The following ARFGEF2 variants were observed in gnomAD, a reference collection of about 807,000 sequenced individuals.
ARFGEF2 encodes the protein ARF guanine nucleotide exchange factor 2.
Under a neutral mutation model 219.9 loss-of-function variants are expected in ARFGEF2, and 74 were observed. That is an observed-to-expected ratio of 0.34 (90% CI 0.28 to 0.41). ARFGEF2 has a LOEUF of 0.41. Among genes scored for constraint, ARFGEF2 ranks in the 10% least tolerant of loss-of-function variants. The pLI is 1.00. For missense variants in ARFGEF2, 1,743 were observed against 2,218.3 expected (o/e 0.79, Z 4.30); for synonymous variants, 733 against 799.2 (o/e 0.92, Z 1.40).
At chr20:48,995,624 A>G (rs922099162) in intron 22 of ARFGEF2, among the ~76,000 whole-genome samples, 159 bp from the exon 23 acceptor site, 1 of 152,234 alleles carries the variant, frequency 6.6e-6, no homozygotes, top group Admixed American at 6.5e-5. Context: ...CCAAAACAAA[A>G]CTTTAATTTT....
intron 6 of ARFGEF2, among the ~76,000 whole-genome samples, chr20:48,958,829 A>G (rs780532393): frequency 1.3e-5 from 2 of 152,088 alleles, no homozygotes; most frequent in African/African-American, 2.4e-5. Flanking sequence ...CTTACTGTGT[A>G]GTAACAACAG....
chr20:49,014,101 C>G, intron 30 of ARFGEF2, 141 bp downstream of exon 30: 1 of 1,048,104 alleles, frequency 9.5e-7, no homozygotes, highest in Non-Finnish European at 1.4e-6. Flanking sequence ...ATGGAAACAC[C>G]TTTCTGATAC....
rs542824553 is a variant in ARFGEF2, at chr20:48,926,022, A to G, written c.121+4012A>G. 6.8e-4 allele frequency among the ~76,000 whole-genome samples: 104 copies of G among 152,336 alleles called. 1 individual carries two copies. Among genetic ancestry groups the G allele is most frequent in the South Asian group, 2.9e-3 (14 of 4,828 alleles). ...GCATTTCTGAGTTCCAGGCACAGTAAAGTGGGCTTTTCATGCAATTTAGTT... is the reference window on the plus strand; with the variant it reads ...GCATTTCTGAGTTCCAGGCACAGTAGAGTGGGCTTTTCATGCAATTTAGTT... On this transcript the variant is annotated intron_variant, in intron 1 of 38. Transcript: ENST00000371917.
At chr20:48,989,731 C>G in intron 20 of ARFGEF2, 47 bp downstream of exon 20, 2 of 1,612,370 alleles carry the variant, frequency 1.2e-6, no homozygotes, top group South Asian at 2.2e-5. Flanking sequence ...GGGTTGTGCT[C>G]TTTTAGATTT....
intron 25 of ARFGEF2, among the ~76,000 whole-genome samples, 153 bp from the exon 26 acceptor site, chr20:49,004,917 T>G (rs780072601): frequency 7.2e-5 from 11 of 152,216 alleles, no homozygotes; most frequent in Non-Finnish European, 1.3e-4. Context: ...ACTGGACAGA[T>G]CATAGCCAAG....
At chr20:48,971,489 T>C in intron 10 of ARFGEF2, 135 bp downstream of exon 10, 1 of 849,352 alleles carries the variant, frequency 1.2e-6, no homozygotes, top group Non-Finnish European at 1.8e-6. Flanking sequence ...TTTCATATCT[T>C]ACCATCCTGG....
rs765423625 is a variant in ARFGEF2, at chr20:49,018,944, C to A, written c.4570C>A (p.Gln1524Lys). 11 of 1,613,952 alleles carry A rather than the reference C, an allele frequency of 6.8e-6. No homozygotes were observed. The East Asian group carries it at 2.2e-4, about 33-fold the overall frequency. ...AGATAAAAATCCCTCTGAGAGGGGA[C>A]AGAGCCAGCTCTCTAACCCAACAGA... ...SIDKNPSERGQSQLSNPTDDS... is the reference protein window; with the variant it reads ...SIDKNPSERGKSQLSNPTDDS... The change falls in exon 34 of 39, where the codon CAG becomes AAG. Residue 1524 changes from glutamine (Q) to lysine (K), a missense_variant. Around this residue, in one of 5 missense-constraint regions of ARFGEF2, gnomAD observed 578 missense variants for 664.0 expected, o/e 0.87. Transcript: ENST00000371917.
chr20:48,975,207 A>G (rs1053162186), intron 13 of ARFGEF2, among the ~76,000 whole-genome samples: 2 of 152,142 alleles, frequency 1.3e-5, no homozygotes, highest in African/African-American at 4.8e-5. Context: ...TTAAAGAGAC[A>G]GAGTCTGTTT....
At chr20:49,022,203 A>G (rs995725465) in intron 34 of ARFGEF2, among the ~76,000 whole-genome samples, 1 of 151,254 alleles carries the variant, frequency 6.6e-6, no homozygotes, top group Non-Finnish European at 1.5e-5. Flanking sequence ...GTTGTTAACC[A>G]CTAAGAGGAA....
At chr20:48,941,787 T>G (rs1466202616) in intron 2 of ARFGEF2, 77 bp from the exon 3 acceptor site, 4 of 1,603,888 alleles carry the variant, frequency 2.5e-6, no homozygotes, top group East Asian at 2.2e-5. Context: ...ATTAAATGGT[T>G]GCAGATGGAA....
intron 30 of ARFGEF2, among the ~76,000 whole-genome samples, chr20:49,015,125 G>A (rs185780665): frequency 4.9e-4 from 75 of 151,950 alleles, no homozygotes; most frequent in African/African-American, 1.7e-3. Flanking sequence ...GCTTTGTTTC[G>A]TTTTTTTGAG....
At chr20:48,987,298 A>G (rs2091332132) in intron 16 of ARFGEF2, among the ~76,000 whole-genome samples, 1 of 152,198 alleles carries the variant, frequency 6.6e-6, no homozygotes, top group Admixed American at 6.5e-5. Context: ...GTGTTCTTCA[A>G]AATTTCTACT....
Position 48,962,688 on chromosome 20 carries a change from G to A in ARFGEF2, c.839-1142G>A, listed in dbSNP as rs147545060. Among the ~76,000 whole-genome samples the A allele has an allele frequency of 4.0e-4, 61 of 152,200 alleles. No individual in the cohort carries two copies. In the East Asian group the frequency reaches 0.011, roughly 28 times the overall value. On this transcript the variant is annotated intron_variant, in intron 6 of 38. Coordinates refer to ENST00000371917, the MANE Select transcript of ARFGEF2 (RefSeq NM_006420.3). ...CTTCTAGGAAAAGCTTATAACATCA[G>A]TATTTCCCACACGAATTTACTTTGC...
intron 3 of ARFGEF2, among the ~76,000 whole-genome samples, chr20:48,948,326 G>GCATT (rs1600600022): frequency 6.6e-6 from 1 of 152,022 alleles, no homozygotes; most frequent in East Asian, 1.9e-4. Context: ...TGGATCTAGT[G>GCATT]CATTCTTTTG....
intron 25 of ARFGEF2, among the ~76,000 whole-genome samples, chr20:49,000,479 A>G (rs888400422): frequency 1.3e-5 from 2 of 152,228 alleles, no homozygotes; most frequent in African/African-American, 4.8e-5. Context: ...TGGATGATCC[A>G]GGGGAACTAT....
At chr20:48,969,462 C>G (rs1297601688) in intron 9 of ARFGEF2, among the ~76,000 whole-genome samples, 185 bp downstream of exon 9, 2 of 152,254 alleles carry the variant, frequency 1.3e-5, no homozygotes, top group Non-Finnish European at 2.9e-5. Context: ...ATGGAATTGT[C>G]TCTGTATCCC....
At chr20:49,010,800 A>G (rs557148858) in intron 27 of ARFGEF2, among the ~76,000 whole-genome samples, 2 of 152,370 alleles carry the variant, frequency 1.3e-5, no homozygotes, top group South Asian at 2.1e-4. Flanking sequence ...TAACTCCACA[A>G]CCAGTACTCA....
At position 49,032,317 on chromosome 20, in the gene ARFGEF2, C is replaced by T. The variant is rs1022687; in HGVS notation, c.5181+151C>T. The T allele has an allele frequency of 0.6, 421,334 of 699,034 alleles. 127,976 individuals carry two copies. The highest frequency in any genetic ancestry group is 0.68 in the African/African-American group (38,320 of 56,656). 43.3% of individuals were successfully genotyped at this position (699,034 alleles called of 1,614,324 possible). ...CTAGATGCATTGGAGAGAAGTTAAT[C>T]CGTTATGGACAATGGGTGCCACAGG... On this transcript the variant is annotated intron_variant, in intron 38 of 38. Transcript: ENST00000371917.
chr20:49,010,366 T>C lies in ARFGEF2; in HGVS notation c.3719T>C (p.Ile1240Thr). The change falls in exon 27 of 39, where the codon ATT becomes ACT. Residue 1240 changes from isoleucine (I) to threonine (T), a missense_variant. This residue lies in a region of ARFGEF2 where 102 missense variants were observed against 146.8 expected (regional missense o/e 0.69). Coordinates refer to ENST00000371917, the MANE Select transcript of ARFGEF2 (RefSeq NM_006420.3). ...HQAASDHDGNIVELAFQTTCH... is the reference protein window; with the variant it reads ...HQAASDHDGNTVELAFQTTCH... Reference sequence around the variant, plus strand: ...GCAGCCTCTGATCATGATGGGAACATTGTGGAGCTGGCCTTCCAGACCACT... The same window carrying C: ...GCAGCCTCTGATCATGATGGGAACACTGTGGAGCTGGCCTTCCAGACCACT... 6.2e-7 allele frequency: 1 copy of C among 1,614,150 alleles called. No homozygotes were observed. Among genetic ancestry groups the C allele is most frequent in the Non-Finnish European group, 8.5e-7 (1 of 1,180,038 alleles).
Sources: gnomAD v4.1 joint callset for allele counts (sites outside exome capture counted in the v4.1 genomes callset) on GRCh38, gnomAD v4.1.1 for gene constraint, gnomAD v4.1.1 regional missense constraint, MANE v1.5 for transcripts, NCBI Gene and HGNC (gene_info 2026-07-23, HGNC 2026-07-21) for gene names.